IMPG1: variants seen among roughly 807,000 people sequenced by gnomAD.
IMPG1 encodes the protein interphotoreceptor matrix proteoglycan of 150 kDa.
IMPG1 carries 85 observed loss-of-function variants against 92.0 expected under a neutral mutation model. The ratio of observed to expected loss-of-function variants is 0.92; its 90% CI spans 0.78 to 1.11. The LOEUF (loss-of-function observed/expected upper bound fraction) is 1.11. IMPG1 is among the 50% of genes least tolerant of loss of function. The pLI is 0.00. For synonymous variants in IMPG1, 367 were observed against 334.1 expected, an observed-to-expected ratio of 1.10 and a Z score of -1.08; for missense variants, 1,022 against 956.0, an observed-to-expected ratio of 1.07 and a Z score of -0.91.
At chr6:75,987,693 G>C (rs1782741680) in intron 12 of IMPG1, among the ~76,000 whole-genome samples, 1 of 148,902 alleles carries the variant, frequency 6.7e-6, no homozygotes, top group African/African-American at 2.5e-5. Flanking sequence ...TACCCAGGCT[G>C]GAGTGCAGTG....
intron 1 of IMPG1, among the ~76,000 whole-genome samples, chr6:76,069,521 T>A (rs1784372282): frequency 6.6e-6 from 1 of 151,950 alleles, no homozygotes; most frequent in South Asian, 2.1e-4. Flanking sequence ...CACAAACAAC[T>A]CAACAGAAAA....
chr6:76,022,097 A>G lies in IMPG1; in HGVS notation c.666+19T>C. ...AAACAGGCACATGAAGAGCTAGATCAACTCTAGGAACTTCTTACTGTTGTA... is the reference window on the plus strand; with the variant it reads ...AAACAGGCACATGAAGAGCTAGATCGACTCTAGGAACTTCTTACTGTTGTA... On this transcript the variant is annotated intron_variant, in intron 6 of 16. Coordinates refer to ENST00000369950, the MANE Select transcript of IMPG1 (RefSeq NM_001563.4). 1.5e-6 allele frequency: 2 copies of G among 1,373,880 alleles called. No individual in the cohort carries two copies. The highest frequency in any genetic ancestry group is 1.0e-6 in the Non-Finnish European group (1 of 969,700). 85.1% of individuals were successfully genotyped at this position (1,373,880 alleles called of 1,614,324 possible).
At chr6:75,954,333 T>C (rs1028457382) in intron 12 of IMPG1, among the ~76,000 whole-genome samples, 5 of 152,240 alleles carry the variant, frequency 3.3e-5, no homozygotes, top group Non-Finnish European at 7.3e-5. Flanking sequence ...TATCTCATTG[T>C]GGTTTTGATT....
rs565000748 is a variant in IMPG1, at chr6:75,964,216, G to A, written c.1292-13122C>T. The stretch of plus-strand genomic sequence containing the variant: ...AAGTTCTGCAAAAGCACGAAGAGAA[G>A]GCTAATCGGGAAGTGGCTGCTTTCT... On this transcript the variant is annotated intron_variant, in intron 12 of 16. Coordinates refer to ENST00000369950, the MANE Select transcript of IMPG1 (RefSeq NM_001563.4). Among the ~76,000 whole-genome samples, 3 of 152,290 alleles carry A rather than the reference G, an allele frequency of 2.0e-5. No homozygotes were observed. In the South Asian group the frequency reaches 6.2e-4, roughly 32 times the overall value.
Position 76,022,185 on chromosome 6 carries a change from G to T in IMPG1, c.597C>A (p.Leu199=). 1 of 1,595,608 alleles carries T rather than the reference G, an allele frequency of 6.3e-7. No individual in the cohort carries two copies. The highest frequency in any genetic ancestry group is 8.6e-7 in the Non-Finnish European group (1 of 1,167,172). ...VANVSLGPFP[L]TPDDTLLNEI... ...CATTGAGGAGGGTGTCATCAGGAGTGAGAGGGAAAGGCCCAAGTGAGACGT... is the reference window on the plus strand; with the variant it reads ...CATTGAGGAGGGTGTCATCAGGAGTTAGAGGGAAAGGCCCAAGTGAGACGT... Residue 199 remains leucine, a synonymous_variant, in exon 6 of 17, where the codon CTC becomes CTA. Transcript: ENST00000369950.
intron 1 of IMPG1, among the ~76,000 whole-genome samples, chr6:76,069,724 A>G (rs949372372): frequency 1.6e-4 from 21 of 135,466 alleles, no homozygotes; most frequent in African/African-American, 5.3e-4. Context: ...GAATCAACCT[A>G]GGTGCCCATC....
Position 76,058,829 on chromosome 6 carries a change from T to G in IMPG1, c.67+13593A>C, listed in dbSNP as rs146594451. The stretch of plus-strand genomic sequence containing the variant: ...TCCGTTTGAGTTTCTCTAATAAAAC[T>G]TGTAGGCTCAGGAATGAGAGTAGAA... On this transcript the variant is annotated intron_variant, in intron 1 of 16. Transcript: ENST00000369950. Among the ~76,000 whole-genome samples the G allele has an allele frequency of 7.3e-3, 1,112 of 152,292 alleles. 12 individuals carry two copies. The highest frequency in any genetic ancestry group is 0.025 in the African/African-American group (1,042 of 41,568).
intron 14 of IMPG1, among the ~76,000 whole-genome samples, chr6:75,939,535 C>CT (rs1781804592): frequency 6.6e-6 from 1 of 152,256 alleles, no homozygotes; most frequent in African/African-American, 2.4e-5. Flanking sequence ...TGAAATCATC[C>CT]TTTTTTATGG....
At chr6:75,986,745 G>GA (rs146213880) in intron 12 of IMPG1, among the ~76,000 whole-genome samples, 96 of 146,470 alleles carry the variant, frequency 6.6e-4, no homozygotes, top group Admixed American at 2.2e-3. Flanking sequence ...TAACAATGAG[G>GA]AAAAAAAAAA....
intron 5 of IMPG1, among the ~76,000 whole-genome samples, chr6:76,023,123 GAGAGTGGGTATC>G (rs1265203572): frequency 2.3e-4 from 35 of 152,190 alleles, no homozygotes; most frequent in Admixed American, 1.9e-3. Context: ...GTGGGGGCGT[GAGAGTGGGTATC>G]AGAATCATCT....
intron 1 of IMPG1, among the ~76,000 whole-genome samples, chr6:76,051,444 T>C (rs554512905): frequency 6.6e-6 from 1 of 152,334 alleles, no homozygotes; most frequent in African/African-American, 2.4e-5. Context: ...CTTCTACAAC[T>C]TGCTGTCCCA....
intron 12 of IMPG1, among the ~76,000 whole-genome samples, chr6:75,963,080 G>A (rs1782236466): frequency 6.6e-6 from 1 of 151,040 alleles, no homozygotes. Context: ...ATTAACTCCA[G>A]GAAAACAGAA....
chr6:75,946,952 A>C (rs1381966076), intron 14 of IMPG1, among the ~76,000 whole-genome samples: 1 of 152,162 alleles, frequency 6.6e-6, no homozygotes, highest in African/African-American at 2.4e-5. Flanking sequence ...GTTGCAGAGC[A>C]CTGAGAAAGT....
At chr6:75,942,656 C>T (rs1781854219) in intron 14 of IMPG1, among the ~76,000 whole-genome samples, 1 of 152,164 alleles carries the variant, frequency 6.6e-6, no homozygotes. Flanking sequence ...TTAATCAGCT[C>T]ACCCGTCAGT....
intron 12 of IMPG1, among the ~76,000 whole-genome samples, chr6:75,957,766 T>C (rs1441579687): frequency 1.7e-4 from 26 of 152,226 alleles, no homozygotes; most frequent in Admixed American, 1.6e-3. Context: ...TCATAAATAT[T>C]CCCCTATCCC....
chr6:76,025,035 C>T, intron 5 of IMPG1, 159 bp downstream of exon 5: 1 of 644,696 alleles, frequency 1.6e-6, no homozygotes, highest in East Asian at 2.9e-5. Context: ...AAGTTGTATG[C>T]AATAAATTTA....
At chr6:75,992,032 G>C (rs532642928) in intron 12 of IMPG1, among the ~76,000 whole-genome samples, 160 of 152,308 alleles carry the variant, frequency 1.1e-3, no homozygotes, top group African/African-American at 3.7e-3. Flanking sequence ...TAAATCAGTG[G>C]ACTCTGAGTA....
chr6:75,992,173 C>A lies in IMPG1; in HGVS notation c.1291+10745G>T, dbSNP rs1782822909. Among the ~76,000 whole-genome samples the A allele has an allele frequency of 2.0e-5, 3 of 152,338 alleles. 1 individual carries two copies. The highest frequency in any genetic ancestry group is 1.5e-5 in the Non-Finnish European group (1 of 68,026). On this transcript the variant is annotated intron_variant, in intron 12 of 16. Transcript: ENST00000369950. The stretch of plus-strand genomic sequence containing the variant: ...ATGGCCTTCGGACCATCGACTGCAA[C>A]AAGAACTGCATCAAAGTGCAACTTT...
rs761816131 is a variant in IMPG1 at position 76,072,517 on chromosome 6, T to C, written c.-29A>G. On this transcript the variant is annotated 5_prime_UTR_variant, in exon 1 of 17. Transcript: ENST00000369950. ...GGCTTTTGTGCATTGGTAATTCTGA[T>C]AACAATCACAGAACAACCTCAAATC... The C allele has an allele frequency of 5.2e-6, 7 of 1,348,440 alleles. No individual in the cohort carries two copies. The highest frequency in any genetic ancestry group is 2.9e-5 in the African/African-American group (2 of 68,450). 83.5% of individuals were successfully genotyped at this position (1,348,440 alleles called of 1,614,324 possible).
Sources: allele counts gnomAD v4.1 joint callset (sites outside exome capture counted in the v4.1 genomes callset), GRCh38; gene constraint gnomAD v4.1.1; transcripts MANE v1.5; gene names NCBI Gene and HGNC (gene_info 2026-07-23, HGNC 2026-07-21).